Variants in SLC14A2 observed in about 807,000 individuals in gnomAD.
SLC14A2 encodes urea transporter 2.
SLC14A2 carries 91 observed loss-of-function variants against 104.6 expected under a neutral mutation model. That is an observed-to-expected ratio of 0.87 (90% CI 0.73 to 1.04). The LOEUF (loss-of-function observed/expected upper bound fraction) is 1.04, where lower values mean the gene tolerates loss of function less well. Among genes scored for constraint, SLC14A2 ranks in the 50% least tolerant of loss-of-function variants. The pLI is 0.00. For synonymous variants in SLC14A2, 476 were observed against 466.4 expected, an observed-to-expected ratio of 1.02 and a Z score of -0.27; for missense variants, 1,189 against 1,156.0, an observed-to-expected ratio of 1.03 and a Z score of -0.41.
chr18:45,596,540 G>A (rs2044720605), intron 2 of SLC14A2, among the ~76,000 whole-genome samples: 1 of 152,182 alleles, frequency 6.6e-6, no homozygotes, highest in African/African-American at 2.4e-5. Context: ...GGGCTATGTT[G>A]GTTTGGGTGT....
chr18:45,275,745 A>C (rs1174513768), intron 1 of SLC14A2, among the ~76,000 whole-genome samples: 1 of 152,130 alleles, frequency 6.6e-6, no homozygotes, highest in Non-Finnish European at 1.5e-5. Context: ...AGAGTAATAG[A>C]TTTCATCTCT....
rs78035453 is a variant in SLC14A2, at chr18:45,622,252, G to A, written c.-34-2379G>A. On this transcript the variant is annotated intron_variant, in intron 1 of 19. Coordinates refer to ENST00000255226, the MANE Select transcript of SLC14A2 (RefSeq NM_007163.4). ...GTGGCTAACTGGTGACCATGAACGT[G>A]AAGGCATATTTTTTAGAGACAGAAT... Among the ~76,000 whole-genome samples, 396 of 152,314 alleles carry A rather than the reference G, an allele frequency of 2.6e-3. 4 individuals are homozygous for A. The highest frequency in any genetic ancestry group is 9.0e-3 in the African/African-American group (374 of 41,556).
chr18:45,585,008 A>T (rs950743351), intron 2 of SLC14A2, among the ~76,000 whole-genome samples: 1 of 152,148 alleles, frequency 6.6e-6, no homozygotes, highest in African/African-American at 2.4e-5. Context: ...CCTTTTCCTG[A>T]TCACTAGAAG....
intron 1 of SLC14A2, among the ~76,000 whole-genome samples, chr18:45,361,339 T>C (rs1339393056): frequency 6.6e-6 from 1 of 152,220 alleles, no homozygotes; most frequent in Non-Finnish European, 1.5e-5. Flanking sequence ...ATGAGTGAGC[T>C]GTCATTTGAA....
intron 10 of SLC14A2, 78 bp downstream of exon 10, chr18:45,644,238 A>G (rs1489957486): frequency 1.4e-6 from 2 of 1,453,156 alleles, no homozygotes; most frequent in African/African-American, 2.8e-5. Context: ...CTCTGGTTCA[A>G]TCAGTTGCAG....
intron 1 of SLC14A2, among the ~76,000 whole-genome samples, chr18:45,256,652 A>T (rs1378279737): frequency 6.6e-6 from 1 of 152,266 alleles, no homozygotes; most frequent in Non-Finnish European, 1.5e-5. Flanking sequence ...TTAGTTACCA[A>T]TGATAGAACT....
At chr18:45,458,974 G>C (rs143064318) in intron 1 of SLC14A2, among the ~76,000 whole-genome samples, 5 of 152,342 alleles carry the variant, frequency 3.3e-5, no homozygotes, top group African/African-American at 1.2e-4. Context: ...ACGATAATAA[G>C]GTGCTCTCTA....
chr18:45,288,441 G>T (rs1446348653), intron 1 of SLC14A2, among the ~76,000 whole-genome samples: 1 of 152,170 alleles, frequency 6.6e-6, no homozygotes, highest in African/African-American at 2.4e-5. Context: ...TGCACTTTGG[G>T]GTGTAGTTGA....
Position 45,228,640 on chromosome 18 carries a change from C to G in SLC14A2, c.-125+15449C>G, listed in dbSNP as rs189601546. On this transcript the variant is annotated intron_variant, in intron 1 of 20. Coordinates refer to the SLC14A2 transcript ENST00000586448. ...CTTAGTTAGGGGGTGGAAAGACATCCTTCACTAACCTGCAGGGAAACTAAA... is the reference window on the plus strand; with the variant it reads ...CTTAGTTAGGGGGTGGAAAGACATCGTTCACTAACCTGCAGGGAAACTAAA... 8.5e-5 allele frequency among the ~76,000 whole-genome samples: 13 copies of G among 152,258 alleles called. No individual in the cohort carries two copies. The East Asian group carries it at 2.1e-3, about 25-fold the overall frequency.
intron 2 of SLC14A2, among the ~76,000 whole-genome samples, chr18:45,587,713 G>A (rs1162071375): frequency 2.0e-5 from 3 of 152,188 alleles, no homozygotes; most frequent in Admixed American, 1.3e-4. Context: ...AGAAACTGAT[G>A]CCCAGGAAGG....
chr18:45,397,463 C>G (rs1036603426), intron 1 of SLC14A2, among the ~76,000 whole-genome samples: 1 of 152,108 alleles, frequency 6.6e-6, no homozygotes, highest in Non-Finnish European at 1.5e-5. Context: ...TGTATGTCTT[C>G]CTTTGAAAAG....
At chr18:45,215,759 A>G (rs2084004654) in intron 1 of SLC14A2, among the ~76,000 whole-genome samples, 1 of 152,206 alleles carries the variant, frequency 6.6e-6, no homozygotes, top group Admixed American at 6.5e-5. Flanking sequence ...GGTTACGATT[A>G]TTAATATTCT....
At chr18:45,184,527 C>T in the SLC14A2 span, among the ~76,000 whole-genome samples, 1 of 152,300 alleles carries the variant, frequency 6.6e-6, no homozygotes, top group South Asian at 2.1e-4. Context: ...TTGTCTCACA[C>T]CAAGCCCACA....
At chr18:45,320,637 G>A (rs1208140725) in intron 1 of SLC14A2, among the ~76,000 whole-genome samples, 1 of 152,214 alleles carries the variant, frequency 6.6e-6, no homozygotes, top group African/African-American at 2.4e-5. Flanking sequence ...TGTCAAGTCT[G>A]AGATGGTCTG....
chr18:45,538,445 G>C (rs2043830653), intron 2 of SLC14A2, among the ~76,000 whole-genome samples: 1 of 152,188 alleles, frequency 6.6e-6, no homozygotes, highest in African/African-American at 2.4e-5. Context: ...GTCATTTCAA[G>C]GCTCGACTGG....
intron 1 of SLC14A2, among the ~76,000 whole-genome samples, chr18:45,305,458 G>C (rs2085009965): frequency 6.6e-6 from 1 of 152,202 alleles, no homozygotes. Flanking sequence ...CTCTGCTGAA[G>C]GTTCTTGCTC....
intron 1 of SLC14A2, among the ~76,000 whole-genome samples, chr18:45,245,048 C>A (rs1413623080): frequency 6.6e-6 from 1 of 152,186 alleles, no homozygotes; most frequent in Non-Finnish European, 1.5e-5. Context: ...CATACTCAGA[C>A]ATACTCATCA....
the SLC14A2 span, among the ~76,000 whole-genome samples, chr18:45,200,839 C>T: frequency 1.3e-5 from 2 of 152,012 alleles, no homozygotes; most frequent in African/African-American, 4.8e-5. Flanking sequence ...GCCTGCTTGC[C>T]TCTATTAACA....
At chr18:45,462,004 C>G (rs2087053942) in intron 1 of SLC14A2, among the ~76,000 whole-genome samples, 1 of 152,150 alleles carries the variant, frequency 6.6e-6, no homozygotes, top group African/African-American at 2.4e-5. Flanking sequence ...ACAAACTGCA[C>G]AGTTTTCCTA....
Sources: allele counts gnomAD v4.1 joint callset (sites outside exome capture counted in the v4.1 genomes callset), GRCh38; gene constraint gnomAD v4.1.1; transcripts MANE v1.5; gene names NCBI Gene and HGNC (gene_info 2026-07-23, HGNC 2026-07-21).